The following ULBP3 variants were observed in gnomAD, a reference collection of about 807,000 sequenced individuals.
The protein encoded by ULBP3 is UL16 binding protein 3.
Under a neutral mutation model 24.9 loss-of-function variants are expected in ULBP3, and 25 were observed. That is an observed-to-expected ratio of 1.00 (90% CI 0.73 to 1.40). ULBP3 has a LOEUF of 1.40. Ranked by LOEUF, ULBP3 falls within the 40% of genes most tolerant of loss-of-function variation. ULBP3 has a pLI of 0.00. For synonymous variants in ULBP3, 114 were observed against 114.7 expected (o/e 0.99, Z 0.04); for missense variants, 306 against 307.5 (o/e 1.00, Z 0.04).
At position 150,061,846 on chromosome 6, in the gene ULBP3, G is replaced by A. The variant is rs568391808; in HGVS notation, c.*1528C>T. Among the ~76,000 whole-genome samples, 17 of 152,240 alleles carry A rather than the reference G, an allele frequency of 1.1e-4. No homozygotes were observed. Among genetic ancestry groups the A allele is most frequent in the African/African-American group, 3.1e-4 (13 of 41,528 alleles). On this transcript the variant is annotated 3_prime_UTR_variant, in exon 5 of 5. Coordinates refer to ENST00000367339, the MANE Select transcript of ULBP3 (RefSeq NM_024518.3). ...AAATCTCCAAACTGCTTTCCATAGCGGCTGAACAAGTTTGCTTTCCCACCA... is the reference window on the plus strand; with the variant it reads ...AAATCTCCAAACTGCTTTCCATAGCAGCTGAACAAGTTTGCTTTCCCACCA...
intron 1 of ULBP3, among the ~76,000 whole-genome samples, chr6:150,066,476 G>A (rs778601707): frequency 1.3e-5 from 2 of 152,198 alleles, no homozygotes; most frequent in Non-Finnish European, 2.9e-5. Context: ...GAGAGTGTGG[G>A]AGGGCACCCT....
intron 4 of ULBP3, among the ~76,000 whole-genome samples, chr6:150,064,165 AG>A (rs1373490057): frequency 3.3e-5 from 5 of 152,120 alleles, no homozygotes; most frequent in Admixed American, 1.3e-4. Context: ...AGCCTCCTCC[AG>A]GGACACCCCT....
Position 150,063,124 on chromosome 6 carries a change from C to CAAAAAAAAAAAAAAAAAAA in ULBP3, c.*249_*250insTTTTTTTTTTTTTTTTTTT, listed in dbSNP as rs61195794. 2 of 85,976 alleles carry CAAAAAAAAAAAAAAAAAAA rather than the reference C, an allele frequency of 2.3e-5. No individual in the cohort carries two copies. 5.3% of individuals were successfully genotyped at this position (85,976 alleles called of 1,614,324 possible). ...ACTCCGTCTCAAAAAAAAAAAAAAA[C>CAAAAAAAAAAAAAAAAAAA]AAAAAAAAAAAAAGAAAAATGGCTG... is the stretch of plus-strand genomic sequence containing the variant. On this transcript the variant is annotated 3_prime_UTR_variant, in exon 5 of 5. Transcript: ENST00000367339.
chr6:150,064,011 T>A (rs573147621), intron 4 of ULBP3, among the ~76,000 whole-genome samples: 1 of 152,108 alleles, frequency 6.6e-6, no homozygotes, highest in Non-Finnish European at 1.5e-5. Flanking sequence ...CTAAACCTCA[T>A]CCTGGACACG....
rs761807316 is a variant in ULBP3, at chr6:150,069,044, G to T, written c.23C>A (p.Ala8Glu). The change falls in exon 1 of 5, where the codon GCG becomes GAG. Residue 8 changes from alanine to glutamate, a missense_variant. Coordinates refer to ENST00000367339, the MANE Select transcript of ULBP3 (RefSeq NM_024518.3). MAAAASP[A>E]ILPRLAILPY... ...AAGAATCGCGAGGCGCGGAAGGATC[G>T]CGGGGCTGGCGGCCGCTGCCATTGT... 2.2e-5 allele frequency: 35 copies of T among 1,610,634 alleles called. No individual in the cohort carries two copies. The highest frequency in any genetic ancestry group is 2.9e-5 in the Non-Finnish European group (34 of 1,179,202).
chr6:150,069,081 G>A lies in ULBP3; in HGVS notation c.-15C>T. On this transcript the variant is annotated 5_prime_UTR_variant, in exon 1 of 5. Coordinates refer to ENST00000367339, the MANE Select transcript of ULBP3 (RefSeq NM_024518.3). The stretch of plus-strand genomic sequence containing the variant: ...GCCGCTGCCATTGTAGACCAGGAGC[G>A]CCCGGGACACAAGGCGCAGTCGATG... The A allele has an allele frequency of 1.2e-6, 2 of 1,607,628 alleles. No individual in the cohort carries two copies. The highest frequency in any genetic ancestry group is 1.3e-5 in the African/African-American group (1 of 74,974).
intron 4 of ULBP3, among the ~76,000 whole-genome samples, chr6:150,064,325 C>T (rs1776314905): frequency 6.6e-6 from 1 of 152,188 alleles, no homozygotes; most frequent in Non-Finnish European, 1.5e-5. Context: ...TGTCTAAACC[C>T]TCTTGAACTC....
At position 150,066,464 on chromosome 6, in the gene ULBP3, G is replaced by A. The variant is rs182108385; in HGVS notation, c.89-302C>T. Among the ~76,000 whole-genome samples, 45 of 152,314 alleles carry A rather than the reference G, an allele frequency of 3.0e-4. 1 individual carries two copies. Among genetic ancestry groups the A allele is most frequent in the Middle Eastern group, 3.4e-3 (1 of 294 alleles). On this transcript the variant is annotated intron_variant, in intron 1 of 4. Transcript: ENST00000367339. ...GCAGCCCAGGTGGACTGCAAGAGGC[G>A]GGAGAGTGTGGGAGGGCACCCTGAG...
chr6:150,065,454 C>T lies in ULBP3; in HGVS notation c.572G>A (p.Cys191Tyr), dbSNP rs778154204. The change falls in exon 3 of 5, where the codon TGC becomes TAC. Residue 191 changes from cysteine to tyrosine, a missense_variant. Transcript: ENST00000367339. ...TFFKMVSMRD[C>Y]KSWLRDFLMH... ...CAGGAAGTCCCTAAGCCAGCTCTTGCAGTCTCTCATTGAGACCATCTTGAA... is the reference window on the plus strand; with the variant it reads ...CAGGAAGTCCCTAAGCCAGCTCTTGTAGTCTCTCATTGAGACCATCTTGAA... The T allele has an allele frequency of 6.2e-7, 1 of 1,614,208 alleles. No individual in the cohort carries two copies. Among genetic ancestry groups the T allele is most frequent in the South Asian group, 1.1e-5 (1 of 91,082 alleles).
chr6:150,066,828 G>A (rs190230425), intron 1 of ULBP3, among the ~76,000 whole-genome samples: 1 of 152,254 alleles, frequency 6.6e-6, no homozygotes, highest in East Asian at 1.9e-4. Context: ...CCAGGAGAAG[G>A]CAGCAGACTG....
chr6:150,061,647 A>G lies in ULBP3; in HGVS notation c.*1727T>C, dbSNP rs1348289262. Among the ~76,000 whole-genome samples, 1 of 152,162 alleles carries G rather than the reference A, an allele frequency of 6.6e-6. No individual in the cohort carries two copies. The highest frequency in any genetic ancestry group is 1.5e-5 in the Non-Finnish European group (1 of 68,028). On this transcript the variant is annotated 3_prime_UTR_variant, in exon 5 of 5. Coordinates refer to ENST00000367339, the MANE Select transcript of ULBP3 (RefSeq NM_024518.3). ...TTATGTACCACATTTTTTTCATTCAATTCAGTGTTGCTGGGCACTTAGGTT... is the reference window on the plus strand; with the variant it reads ...TTATGTACCACATTTTTTTCATTCAGTTCAGTGTTGCTGGGCACTTAGGTT...
chr6:150,061,622 T>C lies in ULBP3; in HGVS notation c.*1752A>G, dbSNP rs1406666508. ...GTGGCTGCATAGATTTCCATGGTGT[T>C]TATGTACCACATTTTTTTCATTCAA... On this transcript the variant is annotated 3_prime_UTR_variant, in exon 5 of 5. Transcript: ENST00000367339. Among the ~76,000 whole-genome samples, 1 of 152,252 alleles carries C rather than the reference T, an allele frequency of 6.6e-6. No homozygotes were observed. The highest frequency in any genetic ancestry group is 1.5e-5 in the Non-Finnish European group (1 of 68,036).
At position 150,069,073 on chromosome 6, in the gene ULBP3, C is replaced by G; in HGVS notation, c.-7G>C. 6.2e-7 allele frequency: 1 copy of G among 1,609,820 alleles called. No homozygotes were observed. Among genetic ancestry groups the G allele is most frequent in the Non-Finnish European group, 8.5e-7 (1 of 1,178,290 alleles). On this transcript the variant is annotated 5_prime_UTR_variant, in exon 1 of 5. Transcript: ENST00000367339. ...GGCTGGCGGCCGCTGCCATTGTAGA[C>G]CAGGAGCGCCCGGGACACAAGGCGC...
At chr6:150,065,370 A>T in intron 3 of ULBP3, 28 bp downstream of exon 3, 1 of 1,611,432 alleles carries the variant, frequency 6.2e-7, no homozygotes, top group Non-Finnish European at 8.5e-7. Flanking sequence ...CATCTCCAAC[A>T]TGCTCCCAGT....
chr6:150,064,772 C>T (rs962327236), intron 3 of ULBP3, 59 bp from the exon 4 acceptor site: 3 of 1,548,870 alleles, frequency 1.9e-6, no homozygotes, highest in South Asian at 2.3e-5. Flanking sequence ...GAGGAGATGG[C>T]TCCTTAGCTC....
At chr6:150,068,887 T>C (rs1582867637) in intron 1 of ULBP3, 92 bp downstream of exon 1, 2 of 1,356,608 alleles carry the variant, frequency 1.5e-6, no homozygotes, top group East Asian at 2.6e-5. Flanking sequence ...GCGCCGGTCC[T>C]TCTAGAAGGC....
At chr6:150,068,935 C>A in intron 1 of ULBP3, 44 bp downstream of exon 1, 1 of 1,548,650 alleles carries the variant, frequency 6.5e-7, no homozygotes, top group Non-Finnish European at 8.8e-7. Flanking sequence ...CACAGCCCCC[C>A]AGGTTTGGCC....
At chr6:150,064,239 C>A (rs1425882076) in intron 4 of ULBP3, among the ~76,000 whole-genome samples, 1 of 152,192 alleles carries the variant, frequency 6.6e-6, no homozygotes, top group Non-Finnish European at 1.5e-5. Context: ...ACTGCCCATG[C>A]CTGAGTTCCT....
In ULBP3 at chr6:150,068,140, A is replaced by G. The variant is rs572576711; in HGVS notation, c.88+839T>C. 9.2e-5 allele frequency among the ~76,000 whole-genome samples: 14 copies of G among 152,172 alleles called. No individual in the cohort carries two copies. In the East Asian group the frequency reaches 1.7e-3, roughly 19 times the overall value. On this transcript the variant is annotated intron_variant, in intron 1 of 4. Transcript: ENST00000367339. ...CTGATCCCCAGGACACCACATGGCT[A>G]CACCCCCCCACCCTCAGGTCACACC... is the stretch of plus-strand genomic sequence containing the variant.
Sources: gnomAD v4.1 joint callset for allele counts (sites outside exome capture counted in the v4.1 genomes callset) on GRCh38, gnomAD v4.1.1 for gene constraint, MANE v1.5 for transcripts, NCBI Gene and HGNC (gene_info 2026-07-23, HGNC 2026-07-21) for gene names.